TSBP1: variants seen among roughly 807,000 people sequenced by gnomAD.
The protein encoded by TSBP1 is testis-expressed basic protein 1.
A neutral mutation model predicts 68.8 loss-of-function variants in TSBP1; 56 were observed. The observed-to-expected ratio is 0.81, with a 90% CI of 0.66 to 1.02. TSBP1 has a LOEUF of 1.02. Among genes scored for constraint, TSBP1 ranks in the 50% least tolerant of loss-of-function variants. The pLI, the probability that TSBP1 is intolerant of heterozygous loss-of-function variation, is 0.00. For missense variants in TSBP1, 502 were observed against 641.2 expected (o/e 0.78, Z 2.34); for synonymous variants, 171 against 208.7 (o/e 0.82, Z 1.56).
Position 32,310,761 on chromosome 6 carries a change from A to ATATATTTT in TSBP1, c.580+5010_580+5011insAAAATATA. Reference sequence around the variant, plus strand: ...TATATATACATATATATATATATATATTTTTAATCTTTTTAGAAAGGATAG... The same window carrying ATATATTTT: ...TATATATACATATATATATATATATATATATTTTTTTTTAATCTTTTTAGAAAGGATAG... On this transcript the variant is annotated intron_variant, in intron 19 of 22. Coordinates refer to ENST00000612031, the Ensembl canonical transcript of TSBP1. Among the ~76,000 whole-genome samples the ATATATTTT allele has an allele frequency of 2.5e-3, 369 of 144,824 alleles. 1 individual carries two copies. Among genetic ancestry groups the ATATATTTT allele is most frequent in the South Asian group, 7.7e-3 (35 of 4,558 alleles).
chr6:32,310,761 A>ATTTTTTTTTTT (rs199706394), intron 19 of TSBP1, among the ~76,000 whole-genome samples: 5 of 144,806 alleles, frequency 3.5e-5, no homozygotes, highest in Non-Finnish European at 4.5e-5. Flanking sequence ...ATATATATAT[A>ATTTTTTTTTTT]TTTTTAATCT....
intron 6 of TSBP1, among the ~76,000 whole-genome samples, chr6:32,360,402 ATG>A (rs1212935978): frequency 7.0e-6 from 1 of 142,692 alleles, no homozygotes; most frequent in Non-Finnish European, 1.5e-5. Flanking sequence ...GTGTGTGTGT[ATG>A]TGTGTGTGTC....
At chr6:32,368,015 T>A (rs926974643) in intron 3 of TSBP1, 58 bp from the exon 4 acceptor site, 326 of 1,378,368 alleles carry the variant, frequency 2.4e-4, no homozygotes, top group Non-Finnish European at 3.2e-4. Flanking sequence ...GAGGCTTTAT[T>A]TAAGACTCTG....
At chr6:32,294,873 C>CTTTTTT (rs578120947) in intron 22 of TSBP1, among the ~76,000 whole-genome samples, 1 of 151,630 alleles carries the variant, frequency 6.6e-6, no homozygotes. Flanking sequence ...TTTTTATTTG[C>CTTTTTT]TTTTGTTTTT....
At chr6:32,303,138 G>A (rs1174242623) in intron 19 of TSBP1, among the ~76,000 whole-genome samples, 2 of 151,312 alleles carry the variant, frequency 1.3e-5, no homozygotes, top group Non-Finnish European at 2.9e-5. Flanking sequence ...TCCTACCCTA[G>A]GGTGGTTTAC....
rs952212455 is a variant in TSBP1 at position 32,306,289 on chromosome 6, C to T, written c.581-3660G>A. ...ATTGTGACCTGACCAAGGACAAAGA[C>T]GTTCCCAACCTCCTCTGACTCTTGC... On this transcript the variant is annotated intron_variant, in intron 19 of 22. Coordinates refer to ENST00000612031, the Ensembl canonical transcript of TSBP1. This position sits in a 1 kb window ranked among gnomAD's most constrained non-coding sequence, Gnocchi z 5.1. 5.3e-5 allele frequency among the ~76,000 whole-genome samples: 8 copies of T among 152,148 alleles called. No individual in the cohort carries two copies. The highest frequency in any genetic ancestry group is 1.9e-4 in the East Asian group (1 of 5,202).
intron 9 of TSBP1, among the ~76,000 whole-genome samples, chr6:32,347,165 A>AT (rs9279590): frequency 0.099 from 14,353 of 144,292 alleles, 869 homozygotes; most frequent in Middle Eastern, 0.14. Flanking sequence ...GCCCTCTTAG[A>AT]TTTTTTTTTT....
chr6:32,294,208 C>A (rs765868972), intron 22 of TSBP1, 173 bp from the exon 26 acceptor site: 2 of 727,496 alleles, frequency 2.7e-6, no homozygotes, highest in African/African-American at 1.8e-5. Context: ...ATAAAAGTAT[C>A]GATAAAATTC....
chr6:32,330,806 G>C (rs1008814497), intron 15 of TSBP1, among the ~76,000 whole-genome samples, 197 bp from the exon 17 acceptor site: 2 of 151,604 alleles, frequency 1.3e-5, no homozygotes, highest in Admixed American at 1.3e-4. Context: ...GAGTAGCAGG[G>C]ATTACAGGTG....
chr6:32,368,702 A>T, intron 3 of TSBP1, 80 bp downstream of exon 3: 1 of 1,430,322 alleles, frequency 7.0e-7, no homozygotes, highest in Non-Finnish European at 9.6e-7. Flanking sequence ...ACACAACTGT[A>T]AACAAGACAG....
intron 19 of TSBP1, among the ~76,000 whole-genome samples, chr6:32,313,779 G>A (rs1766664179): frequency 6.6e-6 from 1 of 152,162 alleles, no homozygotes; most frequent in African/African-American, 2.4e-5. Flanking sequence ...TATGCACACT[G>A]CATGGGTAGC....
chr6:32,316,509 A>G lies in TSBP1; in HGVS notation c.560-717T>C. 1.1e-6 allele frequency: 1 copy of G among 950,452 alleles called. No individual in the cohort carries two copies. The allele number at this position is 950,452 out of a possible 1,614,324, so 58.9% of individuals were successfully genotyped here. A position where few individuals can be genotyped will look rare whatever the true frequency, so the allele number is the denominator to read the frequency against. ...TGTTGGGGAGAATCTTGGTAGTCAC[A>G]CAGCTCTGGATGACAATGGCTAATT... On this transcript the variant is annotated intron_variant, in intron 18 of 22. Coordinates refer to ENST00000612031, the Ensembl canonical transcript of TSBP1. This position sits in a 1 kb window ranked among gnomAD's most constrained non-coding sequence, Gnocchi z 4.5.
chr6:32,371,605 A>G (rs1774432785), intron 1 of TSBP1, 89 bp downstream of exon 1: 1 of 897,136 alleles, frequency 1.1e-6, no homozygotes, highest in East Asian at 2.4e-5. Flanking sequence ...AGGAAGATAA[A>G]GCAGTTGTGT....
Position 32,325,558 on chromosome 6 carries a change from A to C in TSBP1, c.515-1944T>G. On this transcript the variant is annotated intron_variant, in intron 16 of 22. Transcript: ENST00000612031. The surrounding 1 kb of genome is among the most constrained non-coding windows in gnomAD (Gnocchi z 4.4). The stretch of plus-strand genomic sequence containing the variant: ...AAGATATATGCTGGTGGCATTAAAG[A>C]AGACACTGAAGAAATCACCTAAGAA... 2 of 858,398 alleles carry C rather than the reference A, an allele frequency of 2.3e-6. No homozygotes were observed. The highest frequency in any genetic ancestry group is 3.9e-6 in the Non-Finnish European group (2 of 506,496). The allele number at this position is 858,398 out of a possible 1,614,324, so 53.2% of individuals were successfully genotyped here. A position where few individuals can be genotyped will look rare whatever the true frequency, so the allele number is the denominator to read the frequency against.
chr6:32,371,179 AT>A (rs5875365), intron 1 of TSBP1, among the ~76,000 whole-genome samples: 114,563 of 151,434 alleles, frequency 0.76, 43,582 homozygotes, highest in South Asian at 0.89. Flanking sequence ...TATTATGTGA[AT>A]TTTTTTTTTC....
chr6:32,307,788 T>G (rs28366176), intron 19 of TSBP1, among the ~76,000 whole-genome samples: 21,689 of 151,662 alleles, frequency 0.14, 1,760 homozygotes, highest in Admixed American at 0.17. Context: ...GTTTTTTTTT[T>G]TTTTGAGACA....
chr6:32,351,552 C>T (rs1771721865), intron 8 of TSBP1, among the ~76,000 whole-genome samples: 1 of 152,068 alleles, frequency 6.6e-6, no homozygotes, highest in South Asian at 2.1e-4. Flanking sequence ...GAAGGAAAAT[C>T]TTTACATACA....
intron 9 of TSBP1, among the ~76,000 whole-genome samples, chr6:32,344,718 A>G (rs9268267): frequency 0.098 from 14,975 of 152,104 alleles, 1,128 homozygotes; most frequent in African/African-American, 0.2. Context: ...TAGGCATCTT[A>G]TATTTTGGTG....
Position 32,299,464 on chromosome 6 carries a change from C to A in TSBP1, c.637+458G>T, listed in dbSNP as rs188806648. 2.5e-4 allele frequency among the ~76,000 whole-genome samples: 38 copies of A among 152,266 alleles called. No individual in the cohort carries two copies. The East Asian group carries it at 6.4e-3, about 25-fold the overall frequency. On this transcript the variant is annotated intron_variant, in intron 22 of 22. Transcript: ENST00000612031. Reference sequence around the variant, plus strand: ...CTAAAAAAAAGTTCTAAATTCCCAGCAAATAACTAATGGAATTCAGAAACC... The same window carrying A: ...CTAAAAAAAAGTTCTAAATTCCCAGAAAATAACTAATGGAATTCAGAAACC...
Sources: allele counts gnomAD v4.1 joint callset (sites outside exome capture counted in the v4.1 genomes callset), GRCh38; gene constraint gnomAD v4.1.1; non-coding constraint Gnocchi (gnomAD v3.1); transcripts MANE v1.5; gene names NCBI Gene and HGNC (gene_info 2026-07-23, HGNC 2026-07-21).